ITLN2: variants seen among roughly 807,000 people sequenced by gnomAD.
ITLN2 encodes the protein intelectin-2.
A neutral mutation model predicts 39.4 loss-of-function variants in ITLN2; 29 were observed. The observed-to-expected ratio is 0.74, with a 90% CI of 0.55 to 1.00. ITLN2 has a LOEUF of 1.00. ITLN2 is among the 50% of genes least tolerant of loss of function. The pLI is 0.00. For missense variants in ITLN2, 412 were observed against 416.7 expected (o/e 0.99, Z 0.10); for synonymous variants, 156 against 153.4 (o/e 1.02, Z -0.12).
rs1288843152 is a variant in ITLN2, at chr1:160,947,931, G to A, written c.823C>T (p.His275Tyr). ...GIKVTGCNTE[H>Y]HCIGGGGFFP... is the part of the protein sequence containing the mutation. ...CATTGATCTCCCCAAAAACTCACATGCTCAGTGTTACAGCCAGTAACTTTT... is the reference window on the plus strand; with the variant it reads ...CATTGATCTCCCCAAAAACTCACATACTCAGTGTTACAGCCAGTAACTTTT... Residue 275 changes from histidine (H) to tyrosine (Y), a missense_variant and splice_region_variant, in exon 7 of 8, where the codon CAT becomes TAT. Coordinates refer to ENST00000368029, the MANE Select transcript of ITLN2 (RefSeq NM_080878.3). The A allele has an allele frequency of 2.5e-6, 4 of 1,610,312 alleles. No individual in the cohort carries two copies. The South Asian group carries it at 3.3e-5, about 13-fold the overall frequency.
chr1:160,954,306 G>T, intron 2 of ITLN2, 81 bp downstream of exon 2: 1 of 1,096,552 alleles, frequency 9.1e-7, no homozygotes, highest in Non-Finnish European at 1.3e-6. Flanking sequence ...TCAGAGCCCT[G>T]CCCAGCTCTA....
At chr1:160,951,370 G>C in intron 3 of ITLN2, 80 bp from the exon 4 acceptor site, 1 of 1,508,656 alleles carries the variant, frequency 6.6e-7, no homozygotes, top group South Asian at 1.4e-5. Flanking sequence ...AAAGCCCTAG[G>C]AAGTCAAAAG....
intron 2 of ITLN2, among the ~76,000 whole-genome samples, chr1:160,952,992 G>A (rs931019204): frequency 6.6e-6 from 1 of 152,184 alleles, no homozygotes; most frequent in East Asian, 1.9e-4. Context: ...ATTTCTTCAA[G>A]AGACTACATT....
intron 5 of ITLN2, 25 bp from the exon 6 acceptor site, chr1:160,950,191 T>C (rs201116373): frequency 6.8e-5 from 110 of 1,613,098 alleles, no homozygotes; most frequent in Non-Finnish European, 1.4e-5. Context: ...AAGAAAGGTT[T>C]TGTGAGGACA....
intron 3 of ITLN2, among the ~76,000 whole-genome samples, chr1:160,952,375 C>T (rs575777383): frequency 7.2e-5 from 11 of 152,008 alleles, no homozygotes; most frequent in Admixed American, 1.3e-4. Context: ...AAATCTCAGA[C>T]GCATCACAGT....
intron 1 of ITLN2, 77 bp downstream of exon 1, chr1:160,954,650 A>C: frequency 6.4e-7 from 1 of 1,555,978 alleles, no homozygotes; most frequent in East Asian, 2.2e-5. Context: ...ATTTCCCTGA[A>C]ACTCTAAATC....
Position 160,945,216 on chromosome 1 carries a change from T to C in ITLN2, c.902A>G (p.Asp301Gly). The change falls in exon 8 of 8, where the codon GAT becomes GGT. Residue 301 changes from aspartate to glycine, a missense_variant. Physicochemically the swap from Asp to Gly is moderately conservative, Grantham distance 94. Transcript: ENST00000368029. ...QCGDFSAFDW[D>G]GYGTHVKSSC... is the part of the protein sequence containing the mutation. ...GCTCTTAACGTGAGTTCCATATCCATCCCAGTCAAAGGCGGAGAAGTCCCC... is the reference window on the plus strand; with the variant it reads ...GCTCTTAACGTGAGTTCCATATCCACCCCAGTCAAAGGCGGAGAAGTCCCC... 2 of 1,607,850 alleles carry C rather than the reference T, an allele frequency of 1.2e-6. No individual in the cohort carries two copies. Among genetic ancestry groups the C allele is most frequent in the Middle Eastern group, 1.7e-4 (1 of 6,042 alleles).
At chr1:160,946,789 A>T (rs1176816642) in intron 7 of ITLN2, among the ~76,000 whole-genome samples, 1 of 152,154 alleles carries the variant, frequency 6.6e-6, no homozygotes, top group Admixed American at 6.5e-5. Flanking sequence ...TTCATAAGAC[A>T]TCATCAGGAG....
chr1:160,948,068 C>T (rs1671648411), intron 6 of ITLN2, 36 bp from the exon 7 acceptor site: 3 of 1,544,714 alleles, frequency 1.9e-6, no homozygotes, highest in East Asian at 2.2e-5. Flanking sequence ...GCCAAGTAGT[C>T]AAAGGATGAA....
intron 6 of ITLN2, chr1:160,948,700 C>T (rs1041470350): frequency 1.3e-5 from 2 of 150,286 alleles, no homozygotes; most frequent in Non-Finnish European, 2.9e-5. Flanking sequence ...GAACTCAGCT[C>T]ACCGCAACCT....
At position 160,945,181 on chromosome 1, in the gene ITLN2, G is replaced by C. The variant is rs750788583; in HGVS notation, c.937C>G (p.Arg313Gly). ...AGTACAGCCGCCTCCGTTATCTCCC[G>C]ACTGCAGCTGCTCTTAACGTGAGTT... ...YGTHVKSSCS[R>G]EITEAAVLLF... Residue 313 changes from arginine to glycine, a missense_variant, in exon 8 of 8, where the codon CGG becomes GGG. Coordinates refer to ENST00000368029, the MANE Select transcript of ITLN2 (RefSeq NM_080878.3). The C allele has an allele frequency of 1.2e-6, 2 of 1,605,864 alleles. No individual in the cohort carries two copies. Among genetic ancestry groups the C allele is most frequent in the Admixed American group, 3.5e-5 (2 of 57,564 alleles).
intron 3 of ITLN2, chr1:160,951,535 G>A (rs1671745963): frequency 2.1e-6 from 1 of 475,818 alleles, no homozygotes; most frequent in Non-Finnish European, 3.6e-6. Context: ...AGACAGAGAT[G>A]GTATCTCCCT....
chr1:160,945,129 AG>A lies in ITLN2; in HGVS notation c.*10del. 6.4e-7 allele frequency: 1 copy of A among 1,564,736 alleles called. No homozygotes were observed. Among genetic ancestry groups the A allele is most frequent in the Non-Finnish European group, 8.6e-7 (1 of 1,165,460 alleles). Reference sequence around the variant, plus strand: ...AGATGGGTTCTCGCCCTGACACCGCAGAGCTCTGTCTCATCTATAGAACAAG... The same window carrying A: ...AGATGGGTTCTCGCCCTGACACCGCAAGCTCTGTCTCATCTATAGAACAAG... On this transcript the variant is annotated 3_prime_UTR_variant, in exon 8 of 8. Coordinates refer to ENST00000368029, the MANE Select transcript of ITLN2 (RefSeq NM_080878.3).
At chr1:160,945,347 G>A (rs751168675) in intron 7 of ITLN2, 55 bp from the exon 8 acceptor site, 4 of 1,472,006 alleles carry the variant, frequency 2.7e-6, no homozygotes, top group South Asian at 1.4e-5. Context: ...GCTGACACCA[G>A]TGAGCGCAAG....
chr1:160,947,318 G>A (rs1671628391), intron 7 of ITLN2, among the ~76,000 whole-genome samples: 1 of 152,212 alleles, frequency 6.6e-6, no homozygotes, highest in African/African-American at 2.4e-5. Flanking sequence ...CCAGCCACAG[G>A]GCGGTTTTCT....
At chr1:160,953,478 G>A (rs1019914534) in intron 2 of ITLN2, among the ~76,000 whole-genome samples, 10 of 152,262 alleles carry the variant, frequency 6.6e-5, no homozygotes, top group Admixed American at 5.2e-4. Context: ...TTCGGAGGCC[G>A]AGGAGGGTGG....
At chr1:160,952,092 A>G (rs1309008360) in intron 3 of ITLN2, among the ~76,000 whole-genome samples, 1 of 152,108 alleles carries the variant, frequency 6.6e-6, no homozygotes, top group Non-Finnish European at 1.5e-5. Context: ...GGGGCAAGGG[A>G]TGGGAAAAGC....
intron 2 of ITLN2, among the ~76,000 whole-genome samples, chr1:160,953,463 G>A (rs1396526308): frequency 1.3e-5 from 2 of 152,168 alleles, no homozygotes; most frequent in Non-Finnish European, 2.9e-5. Context: ...GGTAATCCCA[G>A]CACTTTCGGA....
intron 5 of ITLN2, 111 bp downstream of exon 5, chr1:160,950,442 G>A (rs1173336483): frequency 1.5e-6 from 2 of 1,338,332 alleles, no homozygotes; most frequent in Non-Finnish European, 2.1e-6. Context: ...AGGAGAAACA[G>A]CCAACCACTC....
Sources: allele counts gnomAD v4.1 joint callset (sites outside exome capture counted in the v4.1 genomes callset), GRCh38; gene constraint gnomAD v4.1.1; transcripts MANE v1.5; gene names NCBI Gene and HGNC (gene_info 2026-07-23, HGNC 2026-07-21).